Variants in EPHA6 observed in about 807,000 individuals in gnomAD.
EPHA6 encodes ephrin type-A receptor 6.
A neutral mutation model predicts 112.0 loss-of-function variants in EPHA6; 50 were observed. That is an observed-to-expected ratio of 0.45 (90% CI 0.36 to 0.56). The LOEUF (loss-of-function observed/expected upper bound fraction) is 0.56. EPHA6 is among the 20% of genes least tolerant of loss of function. The probability of loss-of-function intolerance (pLI) is 0.00; values close to 1 mark genes in which losing one functional copy is unlikely to be tolerated. For synonymous variants in EPHA6, 529 were observed against 490.7 expected, an observed-to-expected ratio of 1.08 and a Z score of -1.03; for missense variants, 1,280 against 1,417.4, an observed-to-expected ratio of 0.90 and a Z score of 1.56.
chr3:97,251,298 A>C (rs965522066), intron 5 of EPHA6, among the ~76,000 whole-genome samples: 2 of 152,088 alleles, frequency 1.3e-5, no homozygotes, highest in African/African-American at 4.8e-5. Context: ...TGGGAGGCCG[A>C]GGCAGGCGGA....
At chr3:97,246,661 T>C (rs910509392) in intron 5 of EPHA6, among the ~76,000 whole-genome samples, 1 of 151,696 alleles carries the variant, frequency 6.6e-6, no homozygotes, top group Non-Finnish European at 1.5e-5. Context: ...AATCAAAATA[T>C]ATTTATATTT....
At chr3:97,021,716 A>G (rs1225893319) in intron 3 of EPHA6, among the ~76,000 whole-genome samples, 3 of 152,302 alleles carry the variant, frequency 2.0e-5, no homozygotes, top group Middle Eastern at 3.4e-3. Context: ...CAACAATCCT[A>G]TTGGTTTCAG....
intron 3 of EPHA6, among the ~76,000 whole-genome samples, chr3:97,128,872 CT>C (rs377407255): frequency 0.038 from 4,431 of 117,474 alleles, 105 homozygotes; most frequent in African/African-American, 0.12. Context: ...ATTTTTATGT[CT>C]TTTTTTTTTT....
intron 9 of EPHA6, among the ~76,000 whole-genome samples, chr3:97,483,172 C>G (rs2091604774): frequency 6.6e-6 from 1 of 152,174 alleles, no homozygotes; most frequent in Non-Finnish European, 1.5e-5. Flanking sequence ...TTCGGATACT[C>G]ACAAATGGAC....
intron 2 of EPHA6, among the ~76,000 whole-genome samples, chr3:96,943,110 C>T (rs2041066206): frequency 6.6e-6 from 1 of 152,142 alleles, no homozygotes; most frequent in African/African-American, 2.4e-5. Flanking sequence ...TCTTTCTGTT[C>T]CTCACTTATT....
intron 3 of EPHA6, among the ~76,000 whole-genome samples, chr3:96,997,821 A>C (rs1300125709): frequency 2.6e-5 from 4 of 152,042 alleles, no homozygotes; most frequent in Admixed American, 2.0e-4. Flanking sequence ...ATGAGCACAC[A>C]CTTTTGGAAA....
chr3:96,832,012 C>G (rs1219838457), intron 1 of EPHA6, among the ~76,000 whole-genome samples: 2 of 151,976 alleles, frequency 1.3e-5, no homozygotes, highest in African/African-American at 4.8e-5. Context: ...GTGGGTCAAG[C>G]CCCTGCATCA....
chr3:97,299,416 T>C (rs947350543), intron 5 of EPHA6, among the ~76,000 whole-genome samples: 1 of 152,150 alleles, frequency 6.6e-6, no homozygotes, highest in Non-Finnish European at 1.5e-5. Flanking sequence ...TTAAAGAGCA[T>C]CGCTTTGCCT....
At chr3:97,357,247 C>T (rs1029394246) in intron 5 of EPHA6, among the ~76,000 whole-genome samples, 1 of 152,126 alleles carries the variant, frequency 6.6e-6, no homozygotes, top group African/African-American at 2.4e-5. Context: ...CGCTCTGTCA[C>T]CTAGGCTGGA....
chr3:96,925,571 AT>A (rs916422207), intron 2 of EPHA6, among the ~76,000 whole-genome samples: 1 of 131,104 alleles, frequency 7.6e-6, no homozygotes, highest in African/African-American at 2.9e-5. Context: ...CAATTTTATC[AT>A]TTTTTTTCAA....
intron 5 of EPHA6, among the ~76,000 whole-genome samples, chr3:97,263,096 G>C (rs2079553835): frequency 6.6e-6 from 1 of 152,120 alleles, no homozygotes; most frequent in Non-Finnish European, 1.5e-5. Context: ...AAAATACTCT[G>C]TATAATTAGC....
chr3:96,860,905 T>C (rs2035968936), intron 1 of EPHA6, among the ~76,000 whole-genome samples: 1 of 152,088 alleles, frequency 6.6e-6, no homozygotes, highest in Non-Finnish European at 1.5e-5. Context: ...CCAAATTTTC[T>C]TTTACTCATT....
chr3:96,994,732 T>TATATATAGAGAGAG (rs1170197805), intron 3 of EPHA6, among the ~76,000 whole-genome samples: 28 of 82,198 alleles, frequency 3.4e-4, no homozygotes, highest in South Asian at 1.8e-3. Flanking sequence ...TATATATATA[T>TATATATAGAGAGAG]AGAGAGAGAG....
chr3:97,172,658 A>G (rs1421138670), intron 3 of EPHA6, among the ~76,000 whole-genome samples: 2 of 151,910 alleles, frequency 1.3e-5, no homozygotes, highest in Admixed American at 6.6e-5. Flanking sequence ...ATGAATATGT[A>G]TCTGTAGGTT....
Position 97,436,408 on chromosome 3 carries a change from T to G in EPHA6, c.1732-12160T>G, listed in dbSNP as rs112648563. On this transcript the variant is annotated intron_variant, in intron 6 of 17. Transcript: ENST00000389672. ...GCTCACAAACAAATATAAAAAAAAT[T>G]TAAAGTTCCACCACGGTGACAAAAT... 7.5e-3 allele frequency among the ~76,000 whole-genome samples: 1,141 copies of G among 152,172 alleles called. 17 individuals carry two copies. The highest frequency in any genetic ancestry group is 0.026 in the African/African-American group (1,086 of 41,526).
chr3:97,634,258 C>T (rs1002758948), intron 13 of EPHA6, among the ~76,000 whole-genome samples: 2 of 152,028 alleles, frequency 1.3e-5, no homozygotes, highest in African/African-American at 2.4e-5. Flanking sequence ...CTGTAAAAAC[C>T]TTAGTCTGGG....
intron 3 of EPHA6, among the ~76,000 whole-genome samples, chr3:97,177,508 A>G (rs1377730914): frequency 1.3e-5 from 2 of 151,886 alleles, no homozygotes; most frequent in Non-Finnish European, 2.9e-5. Flanking sequence ...ATTGGGGCCT[A>G]TCTCTGTCTT....
chr3:97,397,837 T>C (rs2086781152), intron 5 of EPHA6, among the ~76,000 whole-genome samples: 1 of 151,626 alleles, frequency 6.6e-6, no homozygotes, highest in African/African-American at 2.4e-5. Context: ...GAATTGGATT[T>C]AGTATGCATT....
chr3:97,445,606 A>G (rs1181883321), intron 6 of EPHA6, among the ~76,000 whole-genome samples: 2 of 152,098 alleles, frequency 1.3e-5, no homozygotes, highest in Non-Finnish European at 2.9e-5. Flanking sequence ...TAATGAGTTA[A>G]GCATGAAGCA....
Sources: gnomAD v4.1 joint callset for allele counts (sites outside exome capture counted in the v4.1 genomes callset) on GRCh38, gnomAD v4.1.1 for gene constraint, MANE v1.5 for transcripts, NCBI Gene and HGNC (gene_info 2026-07-23, HGNC 2026-07-21) for gene names.